HS6ST3: variants seen among roughly 807,000 people sequenced by gnomAD.
HS6ST3 encodes heparan sulfate 6-O-sulfotransferase 3.
In HS6ST3, 12 loss-of-function variants were observed where a neutral mutation model predicts 36.7. The observed-to-expected ratio is 0.33, with a 90% CI of 0.21 to 0.53. HS6ST3 has a LOEUF of 0.53. HS6ST3 is among the 20% of genes least tolerant of loss of function. The pLI, the probability that HS6ST3 is intolerant of heterozygous loss-of-function variation, is 0.95. For missense variants in HS6ST3, 584 were observed against 640.9 expected (o/e 0.91, Z 0.96); for synonymous variants, 240 against 257.5 (o/e 0.93, Z 0.65).
chr13:96,176,570 G>A (rs537811322), intron 1 of HS6ST3, among the ~76,000 whole-genome samples: 19 of 152,076 alleles, frequency 1.2e-4, no homozygotes, highest in Non-Finnish European at 2.2e-4. Context: ...CCCAAATCAG[G>A]TCATGCTTCC....
chr13:96,249,929 AG>A (rs2054600155), intron 1 of HS6ST3, among the ~76,000 whole-genome samples: 1 of 152,142 alleles, frequency 6.6e-6, no homozygotes, highest in Non-Finnish European at 1.5e-5. Flanking sequence ...AGAGTTTATG[AG>A]GGTGTTGCAC....
intron 1 of HS6ST3, among the ~76,000 whole-genome samples, chr13:96,426,977 A>G (rs2055589990): frequency 6.6e-6 from 1 of 152,200 alleles, no homozygotes; most frequent in African/African-American, 2.4e-5. Flanking sequence ...GGGATAATGT[A>G]AAAATTCTGA....
intron 1 of HS6ST3, among the ~76,000 whole-genome samples, chr13:96,410,215 C>CT (rs768108376): frequency 2.0e-5 from 3 of 151,984 alleles, no homozygotes; most frequent in Non-Finnish European, 4.4e-5. Context: ...CTGTAGAACA[C>CT]TTAGACAATA....
At chr13:96,183,256 A>G (rs974101307) in intron 1 of HS6ST3, among the ~76,000 whole-genome samples, 1 of 152,130 alleles carries the variant, frequency 6.6e-6, no homozygotes, top group African/African-American at 2.4e-5. Context: ...CTGTTATCTA[A>G]GAGGTATACC....
Position 96,807,865 on chromosome 13 carries a change from CA to C in HS6ST3, c.708-24609del, listed in dbSNP as rs59485746. Among the ~76,000 whole-genome samples, 859 of 86,258 alleles carry C rather than the reference CA, an allele frequency of 1.0e-2. 2 individuals carry two copies. The highest frequency in any genetic ancestry group is 0.03 in the African/African-American group (639 of 21,612). 56.6% of individuals were successfully genotyped at this position (86,258 alleles called of 152,430 possible). A position where few individuals can be genotyped will look rare whatever the true frequency, so the allele number is the denominator to read the frequency against. On this transcript the variant is annotated intron_variant, in intron 1 of 1. Coordinates refer to ENST00000376705, the MANE Select transcript of HS6ST3 (RefSeq NM_153456.4). Reference sequence around the variant, plus strand: ...TGGGTTACAGAGTGAGACTCCAACTCAAAAAAAAAAAAAAAAGTGTAGCATT... The same window carrying C: ...TGGGTTACAGAGTGAGACTCCAACTCAAAAAAAAAAAAAAAGTGTAGCATT...
intron 1 of HS6ST3, among the ~76,000 whole-genome samples, chr13:96,660,094 A>C (rs938511960): frequency 6.6e-6 from 1 of 152,098 alleles, no homozygotes; most frequent in African/African-American, 2.4e-5. Context: ...CCCTCATTTC[A>C]AACCAAAGCT....
At chr13:96,608,937 T>C (rs1005221234) in intron 1 of HS6ST3, among the ~76,000 whole-genome samples, 2 of 151,840 alleles carry the variant, frequency 1.3e-5, no homozygotes, top group African/African-American at 4.8e-5. Flanking sequence ...TGTAGATAGA[T>C]AGATAGATAG....
chr13:96,484,272 C>G (rs1290820090), intron 1 of HS6ST3, among the ~76,000 whole-genome samples: 1 of 151,896 alleles, frequency 6.6e-6, no homozygotes, highest in African/African-American at 2.4e-5. Flanking sequence ...TGTCAGTCAC[C>G]TTACTCTCCT....
intron 1 of HS6ST3, among the ~76,000 whole-genome samples, chr13:96,339,864 G>A (rs955296704): frequency 6.6e-6 from 1 of 152,236 alleles, no homozygotes; most frequent in Non-Finnish European, 1.5e-5. Flanking sequence ...CTCTTTGTGG[G>A]TGTTAACCAC....
intron 1 of HS6ST3, among the ~76,000 whole-genome samples, chr13:96,742,603 G>A (rs1169447240): frequency 6.6e-6 from 1 of 152,024 alleles, no homozygotes; most frequent in East Asian, 1.9e-4. Context: ...AAAAGAACAA[G>A]AGCACACAAT....
intron 1 of HS6ST3, among the ~76,000 whole-genome samples, chr13:96,139,541 GAAAAAAA>G (rs57777280): frequency 1.5e-5 from 1 of 66,282 alleles, no homozygotes; most frequent in East Asian, 4.6e-4. Context: ...GTAAGATTCA[GAAAAAAA>G]AAAAAAAAAA....
At chr13:96,716,593 C>A (rs1875701162) in intron 1 of HS6ST3, among the ~76,000 whole-genome samples, 1 of 152,134 alleles carries the variant, frequency 6.6e-6, no homozygotes, top group African/African-American at 2.4e-5. Flanking sequence ...CATTTATGAT[C>A]TATTATCTAT....
At chr13:96,171,044 T>C (rs2054185228) in intron 1 of HS6ST3, among the ~76,000 whole-genome samples, 1 of 152,270 alleles carries the variant, frequency 6.6e-6, no homozygotes, top group Non-Finnish European at 1.5e-5. Context: ...TATCCACATA[T>C]AGATTAGTTA....
At chr13:96,538,696 G>C (rs151119933) in intron 1 of HS6ST3, among the ~76,000 whole-genome samples, 1 of 152,158 alleles carries the variant, frequency 6.6e-6, no homozygotes, top group Non-Finnish European at 1.5e-5. Context: ...CGCCTGCCTC[G>C]GCCTCCCATA....
intron 1 of HS6ST3, among the ~76,000 whole-genome samples, chr13:96,430,420 T>C (rs2055609021): frequency 6.6e-6 from 1 of 152,186 alleles, no homozygotes; most frequent in Non-Finnish European, 1.5e-5. Context: ...TCCAGGACGG[T>C]GTCTCCATGA....
At chr13:96,408,090 C>T (rs1055702947) in intron 1 of HS6ST3, among the ~76,000 whole-genome samples, 1 of 152,116 alleles carries the variant, frequency 6.6e-6, no homozygotes, top group African/African-American at 2.4e-5. Context: ...TATGTGTGCA[C>T]CACCATGCCC....
At chr13:96,801,865 C>G (rs1050652316) in intron 1 of HS6ST3, among the ~76,000 whole-genome samples, 5 of 152,172 alleles carry the variant, frequency 3.3e-5, no homozygotes, top group East Asian at 1.9e-4. Context: ...TGGAATAAAT[C>G]ATAATGGGAT....
intron 1 of HS6ST3, among the ~76,000 whole-genome samples, chr13:96,498,234 G>T (rs1342627580): frequency 6.6e-6 from 1 of 152,156 alleles, no homozygotes; most frequent in Non-Finnish European, 1.5e-5. Flanking sequence ...AGAGGCAATT[G>T]TTTTCTTCTT....
intron 1 of HS6ST3, among the ~76,000 whole-genome samples, chr13:96,751,127 G>A (rs1260338842): frequency 6.6e-6 from 1 of 152,068 alleles, no homozygotes; most frequent in Non-Finnish European, 1.5e-5. Context: ...AACATATAGA[G>A]ATATGCTTAC....
Sources: gnomAD v4.1 joint callset for allele counts (sites outside exome capture counted in the v4.1 genomes callset) on GRCh38, gnomAD v4.1.1 for gene constraint, MANE v1.5 for transcripts, NCBI Gene and HGNC (gene_info 2026-07-23, HGNC 2026-07-21) for gene names.